Variants in LRRTM4 observed in about 807,000 individuals in gnomAD.
LRRTM4 encodes leucine-rich repeat transmembrane neuronal protein 4.
LRRTM4 carries 25 observed loss-of-function variants against 47.6 expected under a neutral mutation model. The observed-to-expected ratio is 0.53, with a 90% CI of 0.38 to 0.73. LRRTM4 has a LOEUF of 0.73. LRRTM4 is among the 30% of genes least tolerant of loss of function. The pLI is 0.00. For missense variants in LRRTM4, 638 were observed against 713.4 expected (o/e 0.89, Z 1.20); for synonymous variants, 311 against 269.5 (o/e 1.15, Z -1.51).
chr2:76,831,252 T>C (rs1185407025), intron 3 of LRRTM4, among the ~76,000 whole-genome samples: 12 of 152,164 alleles, frequency 7.9e-5, no homozygotes, highest in Non-Finnish European at 1.3e-4. Context: ...ATAGTGAATA[T>C]AATAAATACA....
At chr2:77,364,916 A>G (rs778556005) in intron 3 of LRRTM4, among the ~76,000 whole-genome samples, 14 of 151,998 alleles carry the variant, frequency 9.2e-5, no homozygotes, top group Admixed American at 8.5e-4. Flanking sequence ...CTCTTATCAG[A>G]TAAATAACGT....
At chr2:77,028,887 T>A (rs1678545655) in intron 3 of LRRTM4, among the ~76,000 whole-genome samples, 1 of 150,664 alleles carries the variant, frequency 6.6e-6, no homozygotes, top group African/African-American at 2.4e-5. Context: ...TACAAAAAAT[T>A]AGCTGAGCGT....
At chr2:76,804,749 CATT>C (rs915443781) in intron 3 of LRRTM4, among the ~76,000 whole-genome samples, 18 of 114,956 alleles carry the variant, frequency 1.6e-4, no homozygotes, top group African/African-American at 4.0e-4. Flanking sequence ...ATATATATAT[CATT>C]GTTTTATAAC....
chr2:77,198,567 A>G (rs1673890142), intron 3 of LRRTM4, among the ~76,000 whole-genome samples: 1 of 152,224 alleles, frequency 6.6e-6, no homozygotes, highest in African/African-American at 2.4e-5. Flanking sequence ...AACATTTTCT[A>G]TTTGGAGATA....
intron 3 of LRRTM4, among the ~76,000 whole-genome samples, chr2:76,858,060 G>C (rs901483351): frequency 2.6e-5 from 4 of 152,002 alleles, no homozygotes; most frequent in Admixed American, 1.3e-4. Flanking sequence ...ATATTTGCAA[G>C]CAAAAGAAAA....
chr2:77,330,869 T>G (rs115740710), intron 3 of LRRTM4, among the ~76,000 whole-genome samples: 1,565 of 152,266 alleles, frequency 0.01, 25 homozygotes, highest in African/African-American at 0.035. Flanking sequence ...ATCCCAGCAT[T>G]TCATAATGCT....
intron 3 of LRRTM4, among the ~76,000 whole-genome samples, chr2:77,144,671 T>G (rs1327346382): frequency 6.6e-6 from 1 of 152,076 alleles, no homozygotes; most frequent in Non-Finnish European, 1.5e-5. Flanking sequence ...TATGCCAATA[T>G]AAAATATTAG....
At chr2:76,920,739 T>G (rs372278029) in intron 3 of LRRTM4, among the ~76,000 whole-genome samples, 1 of 152,122 alleles carries the variant, frequency 6.6e-6, no homozygotes, top group African/African-American at 2.4e-5. Flanking sequence ...GAACAACTTA[T>G]AGTGCATGGT....
intron 3 of LRRTM4, among the ~76,000 whole-genome samples, chr2:77,403,005 A>T (rs993733114): frequency 6.6e-6 from 1 of 151,974 alleles, no homozygotes. Flanking sequence ...GATTAACATC[A>T]TTTTTTAAGA....
At chr2:76,988,562 C>T (rs1360984103) in intron 3 of LRRTM4, among the ~76,000 whole-genome samples, 1 of 151,800 alleles carries the variant, frequency 6.6e-6, no homozygotes, top group African/African-American at 2.4e-5. Flanking sequence ...CAAAAGTCAC[C>T]CCTTCGAATT....
At chr2:77,037,222 G>T (rs987238927) in intron 3 of LRRTM4, among the ~76,000 whole-genome samples, 1 of 151,668 alleles carries the variant, frequency 6.6e-6, no homozygotes, top group African/African-American at 2.4e-5. Context: ...TGGGCTTCAC[G>T]GATCCTGGTT....
intron 3 of LRRTM4, among the ~76,000 whole-genome samples, chr2:77,123,108 A>G (rs1173167871): frequency 6.6e-6 from 1 of 151,832 alleles, no homozygotes; most frequent in Non-Finnish European, 1.5e-5. Context: ...TAATTTCCAT[A>G]GTGGGAACCA....
intron 3 of LRRTM4, among the ~76,000 whole-genome samples, chr2:77,123,213 C>CAGAGAGAGAGAGAGAGAGAGAG (rs56149151): frequency 1.4e-3 from 207 of 142,950 alleles, no homozygotes; most frequent in African/African-American, 5.2e-3. Context: ...TTCAGTCTCA[C>CAGAGAGAGAGAGAGAGAGAGAG]AGAGAGAGAG....
intron 3 of LRRTM4, among the ~76,000 whole-genome samples, chr2:77,253,924 G>C (rs889040431): frequency 1.3e-5 from 2 of 152,024 alleles, no homozygotes; most frequent in African/African-American, 4.8e-5. Context: ...AGAAAATAGA[G>C]AAGAGTTGAA....
intron 3 of LRRTM4, among the ~76,000 whole-genome samples, chr2:76,759,645 G>A (rs1396484343): frequency 6.6e-6 from 1 of 152,060 alleles, no homozygotes; most frequent in Non-Finnish European, 1.5e-5. Flanking sequence ...GTGTGTGTGT[G>A]TATGTAGAAG....
At chr2:77,016,598 CCT>C (rs1395541031) in intron 3 of LRRTM4, among the ~76,000 whole-genome samples, 4 of 151,086 alleles carry the variant, frequency 2.6e-5, no homozygotes, top group East Asian at 2.0e-4. Flanking sequence ...GCTTGAATTG[CCT>C]CTCTCTTCTC....
intron 3 of LRRTM4, among the ~76,000 whole-genome samples, chr2:76,887,771 T>G (rs1673125063): frequency 6.6e-6 from 1 of 150,604 alleles, no homozygotes; most frequent in South Asian, 2.1e-4. Flanking sequence ...GAGAAAAACA[T>G]AAGAAAATAA....
chr2:77,052,651 T>A (rs1679477742), intron 3 of LRRTM4, among the ~76,000 whole-genome samples: 1 of 151,896 alleles, frequency 6.6e-6, no homozygotes. Context: ...ATATAACAGG[T>A]TTTATTATAA....
rs1672740970 is a variant in LRRTM4 at position 76,748,797 on chromosome 2, C to T, written c.1671G>A (p.Gln557=). ...CCAGCTCCAGGCCGGGGCTTTCGTC[C>T]TGCTCTGGAGACACTGTCTCATAGC... ...TKGYETVSPE[Q]DESPGLELGR... The change falls in exon 4 of 4, where the codon CAG becomes CAA. Residue 557 remains glutamine, a synonymous_variant. Coordinates refer to ENST00000409884, the MANE Select transcript of LRRTM4 (RefSeq NM_001134745.3). 1 of 1,614,022 alleles carries T rather than the reference C, an allele frequency of 6.2e-7. No homozygotes were observed. The highest frequency in any genetic ancestry group is 8.5e-7 in the Non-Finnish European group (1 of 1,179,898).
Sources: allele counts gnomAD v4.1 joint callset (sites outside exome capture counted in the v4.1 genomes callset), GRCh38; gene constraint gnomAD v4.1.1; transcripts MANE v1.5; gene names NCBI Gene and HGNC (gene_info 2026-07-23, HGNC 2026-07-21).